The following PTPN13 variants were observed in gnomAD, a reference collection of about 807,000 sequenced individuals.
PTPN13 encodes the protein protein tyrosine phosphatase non-receptor type 13, also known as tyrosine-protein phosphatase non-receptor type 13.
PTPN13 carries 191 observed loss-of-function variants against 284.0 expected under a neutral mutation model. The observed-to-expected ratio is 0.67, with a 90% CI of 0.60 to 0.76. PTPN13 has a LOEUF of 0.76. PTPN13 is among the 30% of genes least tolerant of loss of function. PTPN13 has a pLI of 0.00. For missense variants in PTPN13, 2,797 were observed against 2,939.9 expected, an observed-to-expected ratio of 0.95 and a Z score of 1.12; for synonymous variants, 986 against 1,022.3, an observed-to-expected ratio of 0.96 and a Z score of 0.68.
chr4:86,676,135 A>C (rs1389110903), intron 3 of PTPN13, among the ~76,000 whole-genome samples: 2 of 152,222 alleles, frequency 1.3e-5, no homozygotes, highest in Non-Finnish European at 1.5e-5. Context: ...CTTTGTATTA[A>C]ATCTTGTTAA....
rs1350801518 is a variant in PTPN13, at chr4:86,688,988, C to T, written c.361-17C>T. On this transcript the variant is annotated splice_polypyrimidine_tract_variant and intron_variant, in intron 4 of 47. Coordinates refer to ENST00000411767, the MANE Select transcript of PTPN13 (RefSeq NM_080683.3). The stretch of plus-strand genomic sequence containing the variant: ...TGCTCACATTTACTCACTGGCTTTT[C>T]CTTTATTTATATTCAGCCTATTAAG... 2.6e-6 allele frequency: 4 copies of T among 1,528,610 alleles called. No individual in the cohort carries two copies. The highest frequency in any genetic ancestry group is 3.6e-6 in the Non-Finnish European group (4 of 1,103,954). 94.7% of individuals were successfully genotyped at this position (1,528,610 alleles called of 1,614,324 possible). A position where few individuals can be genotyped will look rare whatever the true frequency, so the allele number is the denominator to read the frequency against.
At chr4:86,666,224 T>C (rs1175759478) in intron 2 of PTPN13, among the ~76,000 whole-genome samples, 2 of 152,114 alleles carry the variant, frequency 1.3e-5, no homozygotes, top group East Asian at 3.9e-4. Flanking sequence ...TCAGCTACTA[T>C]AAAAAGAATG....
At chr4:86,613,413 A>G (rs1207022481) in intron 1 of PTPN13, among the ~76,000 whole-genome samples, 1 of 152,028 alleles carries the variant, frequency 6.6e-6, no homozygotes, top group Non-Finnish European at 1.5e-5. Flanking sequence ...AGGCGGGCAG[A>G]TCACGAAGTC....
chr4:86,624,580 G>A (rs945661094), intron 1 of PTPN13, among the ~76,000 whole-genome samples: 5 of 152,196 alleles, frequency 3.3e-5, no homozygotes, highest in African/African-American at 9.6e-5. Context: ...TGACCTCTGA[G>A]TAATTAGGAA....
Position 86,686,704 on chromosome 4 carries a change from TC to T in PTPN13, c.295-4del, listed in dbSNP as rs765203220. On this transcript the variant is annotated splice_polypyrimidine_tract_variant and splice_region_variant and intron_variant, in intron 3 of 47. Transcript: ENST00000411767. ...TAAAATTATTTCTTAAAAATTCTAT[TC>T]CTAGATCCACATTTATTCTCTTGGA... 59 of 1,531,766 alleles carry T rather than the reference TC, an allele frequency of 3.9e-5. No individual in the cohort carries two copies. In the Middle Eastern group the frequency reaches 6.7e-4, roughly 17 times the overall value. 94.9% of individuals were successfully genotyped at this position (1,531,766 alleles called of 1,614,324 possible).
chr4:86,632,052 A>ATCCTTCCTTCCTTCCT (rs148756344), intron 1 of PTPN13, among the ~76,000 whole-genome samples: 34,150 of 151,852 alleles, frequency 0.22, 3,976 homozygotes, highest in Admixed American at 0.29. Context: ...TTGTCCTTCC[A>ATCCTTCCTTCCTTCCT]TCCTTCCTTA....
chr4:86,720,623 G>A (rs1733549369), intron 9 of PTPN13, among the ~76,000 whole-genome samples: 1 of 152,046 alleles, frequency 6.6e-6, no homozygotes, highest in Non-Finnish European at 1.5e-5. Flanking sequence ...CTATTCACTT[G>A]CAGAACACAC....
chr4:86,763,042 C>G lies in PTPN13; in HGVS notation c.3869C>G (p.Ala1290Gly), dbSNP rs1738882573. 1.2e-6 allele frequency: 2 copies of G among 1,613,420 alleles called. No homozygotes were observed. Among genetic ancestry groups the G allele is most frequent in the African/African-American group, 2.7e-5 (2 of 74,770 alleles). The change falls in exon 24 of 48, where the codon GCC (alanine) becomes GGC (glycine). Residue 1290 changes from alanine (A) to glycine (G), a missense_variant. Transcript: ENST00000411767. ...CCTTCCCCATCTGTAATATCCAAAG[C>G]CACCGAGAAAGAGACTTTCACTGAT... ...GSPSPSVISK[A>G]TEKETFTDSN...
chr4:86,729,411 C>T (rs1299569734), intron 10 of PTPN13, among the ~76,000 whole-genome samples: 1 of 149,538 alleles, frequency 6.7e-6, no homozygotes, highest in Non-Finnish European at 1.5e-5. Context: ...GAGAAGTTCT[C>T]CTGGATAATA....
At chr4:86,717,380 G>T (rs1044493093) in intron 9 of PTPN13, among the ~76,000 whole-genome samples, 5 of 151,842 alleles carry the variant, frequency 3.3e-5, no homozygotes, top group African/African-American at 1.2e-4. Flanking sequence ...GTAGAGATGG[G>T]GTTTCACCAT....
At chr4:86,758,162 A>G (rs984522431) in intron 20 of PTPN13, 98 bp from the exon 21 acceptor site, 18 of 735,764 alleles carry the variant, frequency 2.4e-5, no homozygotes, top group Non-Finnish European at 3.7e-5. Flanking sequence ...TGACTGAGCA[A>G]TTAACACACT....
intron 2 of PTPN13, among the ~76,000 whole-genome samples, chr4:86,652,783 T>C (rs571762752): frequency 1.3e-5 from 2 of 152,296 alleles, no homozygotes; most frequent in African/African-American, 4.8e-5. Flanking sequence ...CTTTTCATAC[T>C]TGGATATTCA....
At chr4:86,699,466 G>A (rs1730924725) in intron 6 of PTPN13, among the ~76,000 whole-genome samples, 1 of 152,074 alleles carries the variant, frequency 6.6e-6, no homozygotes, top group South Asian at 2.1e-4. Flanking sequence ...AACAGCTCCG[G>A]TTTTCCTGGA....
intron 40 of PTPN13, among the ~76,000 whole-genome samples, chr4:86,789,884 G>C (rs1742419417): frequency 6.7e-6 from 1 of 149,238 alleles, no homozygotes; most frequent in African/African-American, 2.5e-5. Flanking sequence ...TTATTGTGAA[G>C]GGCAAAAGAA....
At position 86,772,953 on chromosome 4, in the gene PTPN13, G is replaced by C. The variant is rs573376750; in HGVS notation, c.5344G>C (p.Glu1782Gln). 1.9e-4 allele frequency: 304 copies of C among 1,580,854 alleles called. 1 individual carries two copies. In the South Asian group the frequency reaches 3.3e-3, roughly 17 times the overall value. ...CTTGGAAAATCACCTTGAAGACTTT[G>C]AACTGGTAAGTTGTTTTCTCTATAT... ...NDLENHLEDF[E>Q]LEVELLITLI... The change falls in exon 32 of 48, where the codon GAA becomes CAA. Residue 1782 changes from glutamate (E) to glutamine (Q), a missense_variant. Physicochemically the swap from Glu to Gln is conservative, Grantham distance 29 (BLOSUM62 2). Coordinates refer to ENST00000411767, the MANE Select transcript of PTPN13 (RefSeq NM_080683.3).
chr4:86,811,728 A>G (rs1228865876), intron 47 of PTPN13, among the ~76,000 whole-genome samples: 1 of 152,212 alleles, frequency 6.6e-6, no homozygotes, highest in African/African-American at 2.4e-5. Flanking sequence ...CTTTGTTTAT[A>G]ATGGAAGAGT....
Position 86,782,181 on chromosome 4 carries a change from T to C in PTPN13, c.5963-20T>C. The C allele has an allele frequency of 6.4e-7, 1 of 1,569,564 alleles. No homozygotes were observed. The highest frequency in any genetic ancestry group is 8.8e-7 in the Non-Finnish European group (1 of 1,139,688). ...GGTTTGGATTGGCTCATCCCCTTACTTCCTATATTGTCCTTTCAGGTTCCT... is the reference window on the plus strand; with the variant it reads ...GGTTTGGATTGGCTCATCCCCTTACCTCCTATATTGTCCTTTCAGGTTCCT... On this transcript the variant is annotated intron_variant, in intron 36 of 47. Transcript: ENST00000411767.
intron 5 of PTPN13, among the ~76,000 whole-genome samples, chr4:86,692,277 G>A (rs1203305950): frequency 2.6e-5 from 4 of 152,186 alleles, no homozygotes; most frequent in African/African-American, 9.7e-5. Flanking sequence ...GTCACTGACA[G>A]TACAGTGTAA....
At chr4:86,810,135 T>C (rs1266494966) in intron 46 of PTPN13, among the ~76,000 whole-genome samples, 151 bp downstream of exon 46, 1 of 152,240 alleles carries the variant, frequency 6.6e-6, no homozygotes, top group Admixed American at 6.5e-5. Flanking sequence ...GAAAATTGTA[T>C]TTTTGTAAAC....
Sources: gnomAD v4.1 joint callset for allele counts (sites outside exome capture counted in the v4.1 genomes callset) on GRCh38, gnomAD v4.1.1 for gene constraint, MANE v1.5 for transcripts, NCBI Gene and HGNC (gene_info 2026-07-23, HGNC 2026-07-21) for gene names.